The following LRRC4C variants were observed in gnomAD, a reference collection of about 807,000 sequenced individuals.
The protein encoded by LRRC4C is leucine-rich repeat-containing protein 4C.
Under a neutral mutation model 33.6 loss-of-function variants are expected in LRRC4C, and 5 were observed. The ratio of observed to expected loss-of-function variants is 0.15; its 90% CI spans 0.08 to 0.31. LRRC4C has a LOEUF of 0.31. Among genes scored for constraint, LRRC4C ranks in the 10% least tolerant of loss-of-function variants. The pLI is 1.00. For synonymous variants in LRRC4C, 329 were observed against 302.0 expected, an observed-to-expected ratio of 1.09 and a Z score of -0.93; for missense variants, 560 against 796.7, an observed-to-expected ratio of 0.70 and a Z score of 3.58.
intron 4 of LRRC4C, among the ~76,000 whole-genome samples, chr11:40,306,683 G>A (rs1945047436): frequency 6.6e-6 from 1 of 152,208 alleles, no homozygotes; most frequent in South Asian, 2.1e-4. Context: ...CTTACTCTGT[G>A]TCAGGCACTG....
chr11:40,155,365 GA>G (rs1858598466), intron 5 of LRRC4C, among the ~76,000 whole-genome samples: 1 of 151,616 alleles, frequency 6.6e-6, no homozygotes, highest in African/African-American at 2.4e-5. Context: ...GATGAGAGCA[GA>G]ACTAAATGAA....
At chr11:41,136,693 A>G (rs536994586) in intron 1 of LRRC4C, among the ~76,000 whole-genome samples, 4 of 152,238 alleles carry the variant, frequency 2.6e-5, no homozygotes, top group East Asian at 1.9e-4. Flanking sequence ...GTCTATGCAC[A>G]TCTCGTTAGA....
At chr11:40,161,536 C>T (rs1236984520) in intron 5 of LRRC4C, among the ~76,000 whole-genome samples, 1 of 152,128 alleles carries the variant, frequency 6.6e-6, no homozygotes, top group Non-Finnish European at 1.5e-5. Flanking sequence ...GGCAGACTGC[C>T]TGAGCTCAGG....
chr11:40,725,603 T>A (rs942771436), intron 2 of LRRC4C, among the ~76,000 whole-genome samples: 1 of 152,156 alleles, frequency 6.6e-6, no homozygotes, highest in African/African-American at 2.4e-5. Flanking sequence ...TGAGATTTTC[T>A]TCATAATAAT....
intron 1 of LRRC4C, among the ~76,000 whole-genome samples, chr11:41,360,381 G>A (rs910956344): frequency 2.0e-5 from 3 of 151,340 alleles, no homozygotes; most frequent in Admixed American, 1.3e-4. Flanking sequence ...ATTTACAAGG[G>A]TCTTTGAAAA....
At chr11:40,428,372 C>T (rs1026259570) in intron 3 of LRRC4C, among the ~76,000 whole-genome samples, 2 of 152,070 alleles carry the variant, frequency 1.3e-5, no homozygotes, top group Non-Finnish European at 2.9e-5. Flanking sequence ...AATATATTAT[C>T]CTTAGTCTCA....
At chr11:41,247,227 G>T (rs893330634) in intron 1 of LRRC4C, among the ~76,000 whole-genome samples, 1 of 152,198 alleles carries the variant, frequency 6.6e-6, no homozygotes, top group African/African-American at 2.4e-5. Flanking sequence ...GATAGGACTA[G>T]AAACCCCTCT....
intron 1 of LRRC4C, among the ~76,000 whole-genome samples, chr11:41,274,136 G>A (rs1426074015): frequency 6.6e-6 from 1 of 152,060 alleles, no homozygotes; most frequent in African/African-American, 2.4e-5. Flanking sequence ...AGATAAGTAA[G>A]TGAGAGGCAG....
intron 3 of LRRC4C, among the ~76,000 whole-genome samples, chr11:40,634,794 C>A (rs956166740): frequency 6.6e-6 from 1 of 151,544 alleles, no homozygotes; most frequent in Non-Finnish European, 1.5e-5. Context: ...AGGCAGGTGG[C>A]GGGGGGTGTT....
chr11:41,260,268 T>G (rs573645553), intron 1 of LRRC4C, among the ~76,000 whole-genome samples: 7 of 152,144 alleles, frequency 4.6e-5, no homozygotes, highest in African/African-American at 1.2e-4. Context: ...TCACAAAAGT[T>G]TACAAGAGTT....
At chr11:40,743,217 C>T (rs10837493) in intron 2 of LRRC4C, among the ~76,000 whole-genome samples, 59,216 of 151,494 alleles carry the variant, frequency 0.39, 12,083 homozygotes, top group Middle Eastern at 0.48. Context: ...TGAAAGCATG[C>T]ATTTAATGAA....
chr11:41,234,912 T>C (rs1947952188), intron 1 of LRRC4C, among the ~76,000 whole-genome samples: 1 of 152,052 alleles, frequency 6.6e-6, no homozygotes, highest in South Asian at 2.1e-4. Flanking sequence ...TTAATCACTA[T>C]GGTATAACAT....
intron 2 of LRRC4C, among the ~76,000 whole-genome samples, chr11:40,721,782 A>G (rs936841690): frequency 9.4e-6 from 1 of 106,844 alleles, no homozygotes; most frequent in African/African-American, 4.0e-5. Flanking sequence ...AACCCTAAAA[A>G]TACAAAAAAT....
intron 1 of LRRC4C, among the ~76,000 whole-genome samples, chr11:41,268,465 A>C (rs1949221257): frequency 1.3e-5 from 2 of 152,166 alleles, no homozygotes; most frequent in Admixed American, 1.3e-4. Context: ...ATAAAATACC[A>C]CAGAATACAC....
chr11:40,944,055 C>G (rs780930569), intron 1 of LRRC4C, among the ~76,000 whole-genome samples: 3 of 152,160 alleles, frequency 2.0e-5, no homozygotes, highest in East Asian at 1.9e-4. Context: ...CACATCATTA[C>G]ATCTAACACC....
chr11:40,640,257 T>C (rs1942027788), intron 3 of LRRC4C, among the ~76,000 whole-genome samples: 1 of 152,196 alleles, frequency 6.6e-6, no homozygotes, highest in Non-Finnish European at 1.5e-5. Context: ...AAAATAAATA[T>C]TGTGTTAAGA....
intron 2 of LRRC4C, among the ~76,000 whole-genome samples, chr11:40,801,830 A>T (rs1951055583): frequency 1.3e-5 from 2 of 152,204 alleles, no homozygotes; most frequent in Admixed American, 1.3e-4. Context: ...CAAAGTTACA[A>T]ATCATGGCAT....
At position 40,795,935 on chromosome 11, in the gene LRRC4C, A is replaced by G. The variant is rs1950805794; in HGVS notation, c.-407+137700T>C. Among the ~76,000 whole-genome samples, 3 of 152,202 alleles carry G rather than the reference A, an allele frequency of 2.0e-5. No individual in the cohort carries two copies. In the South Asian group the frequency reaches 6.2e-4, roughly 32 times the overall value. The stretch of plus-strand genomic sequence containing the variant: ...ATAAAATAGTTGTAAACTGCCAAAG[A>G]GAACTAATAATTGAGGGAAAAATGT... On this transcript the variant is annotated intron_variant, in intron 2 of 6. Coordinates refer to ENST00000528697, the MANE Select transcript of LRRC4C (RefSeq NM_001258419.2).
intron 2 of LRRC4C, among the ~76,000 whole-genome samples, chr11:40,829,727 C>A (rs1952325438): frequency 6.6e-6 from 1 of 151,952 alleles, no homozygotes; most frequent in South Asian, 2.1e-4. Context: ...TAATATTTCT[C>A]CATAATATTT....
Sources: allele counts gnomAD v4.1 joint callset (sites outside exome capture counted in the v4.1 genomes callset), GRCh38; gene constraint gnomAD v4.1.1; transcripts MANE v1.5; gene names NCBI Gene and HGNC (gene_info 2026-07-23, HGNC 2026-07-21).